ASIC2: variants seen among roughly 807,000 people sequenced by gnomAD.
ASIC2 encodes acid-sensing ion channel 2.
ASIC2 carries 25 observed loss-of-function variants against 57.3 expected under a neutral mutation model. That is an observed-to-expected ratio of 0.44 (90% CI 0.32 to 0.61). ASIC2 has a LOEUF of 0.61. ASIC2 is among the 20% of genes least tolerant of loss of function. The pLI, the probability that ASIC2 is intolerant of heterozygous loss-of-function variation, is 0.06. For synonymous variants in ASIC2, 319 were observed against 307.5 expected, an observed-to-expected ratio of 1.04 and a Z score of -0.39; for missense variants, 641 against 738.1, an observed-to-expected ratio of 0.87 and a Z score of 1.52.
At chr17:33,920,005 A>G (rs1223493272) in intron 1 of ASIC2, among the ~76,000 whole-genome samples, 1 of 152,200 alleles carries the variant, frequency 6.6e-6, no homozygotes, top group Non-Finnish European at 1.5e-5. Flanking sequence ...GCTATAATTA[A>G]AAAGTCAAAA....
intron 1 of ASIC2, among the ~76,000 whole-genome samples, chr17:33,776,649 G>A (rs927604729): frequency 3.3e-5 from 5 of 152,174 alleles, no homozygotes; most frequent in Admixed American, 2.6e-4. Flanking sequence ...GGAAGCAGGG[G>A]CAAGCAAACA....
In ASIC2 at chr17:33,526,370, C is replaced by G. The variant is rs1214133742; in HGVS notation, c.556-414303G>C. ...GTTAATTCTTACTAGTCATGTCTCC[C>G]TCACTCTGATCAAGCCACCCTAGGA... is the stretch of plus-strand genomic sequence containing the variant. On this transcript the variant is annotated intron_variant, in intron 1 of 9. Coordinates refer to the ASIC2 transcript ENST00000359872. Among the ~76,000 whole-genome samples the G allele has an allele frequency of 2.0e-5, 3 of 152,098 alleles. No homozygotes were observed. In the East Asian group the frequency reaches 5.8e-4, roughly 29 times the overall value.
chr17:33,243,224 A>G (rs1908574398), intron 1 of ASIC2, among the ~76,000 whole-genome samples: 1 of 152,254 alleles, frequency 6.6e-6, no homozygotes, highest in Non-Finnish European at 1.5e-5. Context: ...AATAAGTGTA[A>G]CTAGTACATC....
chr17:33,597,214 A>G (rs1274213515), intron 1 of ASIC2, among the ~76,000 whole-genome samples: 1 of 152,244 alleles, frequency 6.6e-6, no homozygotes, highest in Non-Finnish European at 1.5e-5. Flanking sequence ...TTGTCAGCAG[A>G]GTCCCCATGG....
At chr17:34,039,757 A>G in intron 1 of ASIC2, 1 of 1,612,052 alleles carries the variant, frequency 6.2e-7, no homozygotes, top group Non-Finnish European at 8.5e-7. Flanking sequence ...GACGCTGCAC[A>G]AGCTCTGGTT....
At chr17:33,751,462 G>A (rs1910429663) in intron 1 of ASIC2, among the ~76,000 whole-genome samples, 1 of 152,206 alleles carries the variant, frequency 6.6e-6, no homozygotes, top group Non-Finnish European at 1.5e-5. Flanking sequence ...TGGAAATTAA[G>A]TGACCAGTCT....
At chr17:33,059,602 T>A (rs928769136) in intron 3 of ASIC2, among the ~76,000 whole-genome samples, 1 of 152,218 alleles carries the variant, frequency 6.6e-6, no homozygotes, top group Admixed American at 6.5e-5. Flanking sequence ...CTATTGTGAG[T>A]AGTGCCACAA....
At chr17:33,957,868 A>C (rs1350281049) in intron 1 of ASIC2, among the ~76,000 whole-genome samples, 1 of 152,242 alleles carries the variant, frequency 6.6e-6, no homozygotes, top group African/African-American at 2.4e-5. Context: ...ATCTAAGACA[A>C]GGCAAGTCCC....
intron 1 of ASIC2, among the ~76,000 whole-genome samples, chr17:33,874,651 C>T (rs1310730055): frequency 6.6e-6 from 1 of 152,152 alleles, no homozygotes. Context: ...TTCTTCATAC[C>T]CCAAACATCC....
chr17:33,425,993 G>A (rs1911207353), intron 1 of ASIC2, among the ~76,000 whole-genome samples: 1 of 152,126 alleles, frequency 6.6e-6, no homozygotes, highest in South Asian at 2.1e-4. Flanking sequence ...GGCTAGTAAG[G>A]GCAAGGGCTT....
At chr17:33,419,594 T>A (rs1277990289) in intron 1 of ASIC2, among the ~76,000 whole-genome samples, 3 of 152,218 alleles carry the variant, frequency 2.0e-5, no homozygotes, top group African/African-American at 7.2e-5. Context: ...CAATAGCTAT[T>A]GAATTAAAAA....
intron 1 of ASIC2, among the ~76,000 whole-genome samples, chr17:33,488,172 G>A (rs1411575291): frequency 6.6e-6 from 1 of 152,154 alleles, no homozygotes; most frequent in East Asian, 1.9e-4. Flanking sequence ...TTTACCAAGT[G>A]AGAGGCAGAG....
chr17:34,035,950 T>C (rs12600610), intron 1 of ASIC2, among the ~76,000 whole-genome samples: 20,959 of 151,502 alleles, frequency 0.14, 1,603 homozygotes, highest in East Asian at 0.29. Context: ...GTAAACTAGT[T>C]CAACCATTGT....
At chr17:33,072,427 A>C (rs530279041) in intron 3 of ASIC2, among the ~76,000 whole-genome samples, 41 of 152,208 alleles carry the variant, frequency 2.7e-4, no homozygotes, top group African/African-American at 9.6e-4. Flanking sequence ...CGTCCAGGCC[A>C]TCTCAATAAC....
chr17:33,061,011 T>A (rs2092018393), intron 3 of ASIC2, among the ~76,000 whole-genome samples: 1 of 152,234 alleles, frequency 6.6e-6, no homozygotes, highest in Non-Finnish European at 1.5e-5. Context: ...ATATTGATTT[T>A]GTATCCTGAG....
At chr17:33,971,703 A>G (rs1905233442) in intron 1 of ASIC2, among the ~76,000 whole-genome samples, 1 of 151,664 alleles carries the variant, frequency 6.6e-6, no homozygotes, top group Non-Finnish European at 1.5e-5. Flanking sequence ...TGTATTTGTG[A>G]AAAAAAAATT....
At position 33,276,369 on chromosome 17, in the gene ASIC2, C is replaced by T. The variant is rs1203240350; in HGVS notation, c.708+15039G>A. Among the ~76,000 whole-genome samples, 2 of 152,244 alleles carry T rather than the reference C, an allele frequency of 1.3e-5. 1 individual carries two copies. Among genetic ancestry groups the T allele is most frequent in the South Asian group, 4.1e-4 (2 of 4,824 alleles). ...CAGCCTTAGCAATTCTAACTAAAGG[C>T]CTTGTAGCGACAAAAGTGAAAGCTT... On this transcript the variant is annotated intron_variant, in intron 1 of 9. Coordinates refer to ENST00000225823, the MANE Select transcript of ASIC2 (RefSeq NM_183377.2).
intron 1 of ASIC2, among the ~76,000 whole-genome samples, chr17:33,450,046 G>C (rs1337990276): frequency 6.6e-6 from 1 of 152,140 alleles, no homozygotes; most frequent in Admixed American, 6.5e-5. Flanking sequence ...GGGATTACAG[G>C]CGTGATCCCA....
intron 1 of ASIC2, among the ~76,000 whole-genome samples, chr17:33,284,008 A>G (rs1486007985): frequency 6.6e-6 from 1 of 152,192 alleles, no homozygotes; most frequent in Non-Finnish European, 1.5e-5. Context: ...GGGACAAAAG[A>G]ATACGTTTTT....
Sources: gnomAD v4.1 joint callset for allele counts (sites outside exome capture counted in the v4.1 genomes callset) on GRCh38, gnomAD v4.1.1 for gene constraint, MANE v1.5 for transcripts, NCBI Gene and HGNC (gene_info 2026-07-23, HGNC 2026-07-21) for gene names.